Variants in WBP1L observed in about 807,000 individuals in gnomAD.
The protein encoded by WBP1L is WW domain binding protein 1-like.
A neutral mutation model predicts 33.7 loss-of-function variants in WBP1L; 17 were observed. The ratio of observed to expected loss-of-function variants is 0.50; its 90% CI spans 0.34 to 0.76. The LOEUF (loss-of-function observed/expected upper bound fraction) is 0.76. Ranked by LOEUF, WBP1L falls within the 30% of genes least tolerant of loss-of-function variation. The probability of loss-of-function intolerance (pLI) is 0.01; values close to 1 mark genes in which losing one functional copy is unlikely to be tolerated. For synonymous variants in WBP1L, 173 were observed against 190.8 expected (o/e 0.91, Z 0.77); for missense variants, 389 against 469.4 (o/e 0.83, Z 1.58).
chr10:102,767,660 G>C (rs967260693), intron 1 of WBP1L, among the ~76,000 whole-genome samples: 1 of 152,104 alleles, frequency 6.6e-6, no homozygotes, highest in Admixed American at 6.6e-5. Flanking sequence ...GACTGGGAAA[G>C]CCCCAAAGTT....
chr10:102,760,792 T>C (rs1012898053), intron 1 of WBP1L, among the ~76,000 whole-genome samples: 5 of 152,216 alleles, frequency 3.3e-5, no homozygotes, highest in African/African-American at 1.2e-4. Flanking sequence ...TCTTAGTGCA[T>C]ATGCTTACAG....
intron 1 of WBP1L, among the ~76,000 whole-genome samples, chr10:102,765,979 T>G (rs1220220631): frequency 6.6e-6 from 1 of 152,164 alleles, no homozygotes; most frequent in East Asian, 1.9e-4. Context: ...ACCCAAAGTT[T>G]AAATAACAGT....
At chr10:102,799,396 C>T (rs1313938901) in intron 2 of WBP1L, among the ~76,000 whole-genome samples, 1 of 152,064 alleles carries the variant, frequency 6.6e-6, no homozygotes, top group Non-Finnish European at 1.5e-5. Context: ...AAGCCAGAAC[C>T]ACTTGCTTCT....
intron 1 of WBP1L, among the ~76,000 whole-genome samples, chr10:102,750,045 G>C (rs1206721905): frequency 6.6e-6 from 1 of 151,534 alleles, no homozygotes; most frequent in Non-Finnish European, 1.5e-5. Context: ...GCCTCTCAAA[G>C]TGTTGGGATT....
At chr10:102,758,750 T>C (rs969610865) in intron 1 of WBP1L, among the ~76,000 whole-genome samples, 14 of 152,220 alleles carry the variant, frequency 9.2e-5, no homozygotes, top group South Asian at 4.2e-4. Context: ...CTGAGATTTA[T>C]TGCATACAAG....
chr10:102,759,339 T>C (rs574168345), intron 1 of WBP1L, among the ~76,000 whole-genome samples: 4 of 152,252 alleles, frequency 2.6e-5, no homozygotes, highest in Non-Finnish European at 2.9e-5. Flanking sequence ...TCCTAGGTTA[T>C]ATTAGTAATG....
chr10:102,768,145 A>C (rs1042663320), intron 1 of WBP1L, among the ~76,000 whole-genome samples: 5 of 152,090 alleles, frequency 3.3e-5, no homozygotes, highest in African/African-American at 1.2e-4. Flanking sequence ...ATCTCGGCTC[A>C]CTGCAACCTC....
At chr10:102,804,960 G>A (rs990171596) in intron 2 of WBP1L, among the ~76,000 whole-genome samples, 4 of 151,798 alleles carry the variant, frequency 2.6e-5, no homozygotes, top group African/African-American at 9.7e-5. Flanking sequence ...TTAAAACGGG[G>A]AAAACAAAAC....
At chr10:102,789,959 C>G (rs927351623) in intron 1 of WBP1L, among the ~76,000 whole-genome samples, 1 of 151,828 alleles carries the variant, frequency 6.6e-6, no homozygotes, top group Non-Finnish European at 1.5e-5. Flanking sequence ...AGGATGGTCT[C>G]GATCTCCTGA....
At chr10:102,786,226 A>G (rs1843413475) in intron 1 of WBP1L, among the ~76,000 whole-genome samples, 1 of 152,190 alleles carries the variant, frequency 6.6e-6, no homozygotes, top group South Asian at 2.1e-4. Context: ...ATGATCTATT[A>G]TATGTTTTAA....
At chr10:102,808,541 CG>C (rs11314421) in intron 2 of WBP1L, among the ~76,000 whole-genome samples, 78,788 of 152,022 alleles carry the variant, frequency 0.52, 21,440 homozygotes, top group Middle Eastern at 0.63. Flanking sequence ...GAGGAAGAAG[CG>C]GCTGCTAATG....
chr10:102,798,126 C>T (rs745472210), intron 2 of WBP1L, 31 bp downstream of exon 2: 1 of 1,584,194 alleles, frequency 6.3e-7, no homozygotes, highest in East Asian at 2.2e-5. Context: ...CTCTCAGTAT[C>T]CCAGGGTCCC....
intron 2 of WBP1L, among the ~76,000 whole-genome samples, chr10:102,800,927 G>A (rs779053331): frequency 7.9e-5 from 12 of 152,096 alleles, no homozygotes; most frequent in Non-Finnish European, 1.5e-4. Context: ...ATCAGACAGG[G>A]CAACTCCTTA....
rs190701574 is a variant in WBP1L at position 102,812,516 on chromosome 10, A to G, written c.356-79A>G. Reference sequence around the variant, plus strand: ...CTCTGGGGTGGGAAGAGACAATGCAAATATTCAGTGGGAGCTTTGCAGTCT... The same window carrying G: ...CTCTGGGGTGGGAAGAGACAATGCAGATATTCAGTGGGAGCTTTGCAGTCT... On this transcript the variant is annotated intron_variant, in intron 3 of 3. Coordinates refer to ENST00000448841, the MANE Select transcript of WBP1L (RefSeq NM_001083913.2). 1.6e-5 allele frequency: 24 copies of G among 1,467,682 alleles called. 1 individual carries two copies. Among genetic ancestry groups the G allele is most frequent in the African/African-American group, 4.3e-5 (3 of 70,402 alleles). 90.9% of individuals were successfully genotyped at this position (1,467,682 alleles called of 1,614,324 possible). A position where few individuals can be genotyped will look rare whatever the true frequency, so the allele number is the denominator to read the frequency against.
intron 1 of WBP1L, among the ~76,000 whole-genome samples, chr10:102,775,117 CA>C (rs59486422): frequency 0.17 from 16,161 of 96,082 alleles, 778 homozygotes; most frequent in Middle Eastern, 0.3. Flanking sequence ...GACCCTATCT[CA>C]AAAAAAAAAA....
intron 1 of WBP1L, among the ~76,000 whole-genome samples, chr10:102,751,447 C>T (rs147324540): frequency 6.6e-6 from 1 of 151,872 alleles, no homozygotes; most frequent in Non-Finnish European, 1.5e-5. Context: ...GTAGCTGGAG[C>T]TACAGGTGCG....
intron 1 of WBP1L, among the ~76,000 whole-genome samples, chr10:102,747,986 G>A (rs1842884285): frequency 6.6e-6 from 1 of 151,936 alleles, no homozygotes; most frequent in South Asian, 2.1e-4. Context: ...GCCTGGCACG[G>A]TGGCTCACAC....
chr10:102,792,629 T>C (rs1843518191), intron 1 of WBP1L, among the ~76,000 whole-genome samples: 1 of 150,564 alleles, frequency 6.6e-6, no homozygotes, highest in Non-Finnish European at 1.5e-5. Context: ...TGTTTCGCTC[T>C]TGTTGCCCAG....
chr10:102,765,613 T>TTG (rs1354262689), intron 1 of WBP1L, among the ~76,000 whole-genome samples: 3 of 152,218 alleles, frequency 2.0e-5, no homozygotes, highest in African/African-American at 7.2e-5. Flanking sequence ...GTGCAAGGCA[T>TTG]CGTGCTTGGT....
Sources: gnomAD v4.1 joint callset for allele counts (sites outside exome capture counted in the v4.1 genomes callset) on GRCh38, gnomAD v4.1.1 for gene constraint, MANE v1.5 for transcripts, NCBI Gene and HGNC (gene_info 2026-07-23, HGNC 2026-07-21) for gene names.